The following TSC22D1 variants were observed in gnomAD, a reference collection of about 807,000 sequenced individuals.
TSC22D1 encodes TSC22 domain family member 1, also known as TSC22 domain family protein 1.
Under a neutral mutation model 74.2 loss-of-function variants are expected in TSC22D1, and 9 were observed. The ratio of observed to expected loss-of-function variants is 0.12; its 90% CI spans 0.07 to 0.21. The LOEUF is 0.21. Among genes scored for constraint, TSC22D1 ranks in the 10% least tolerant of loss-of-function variants. The probability of loss-of-function intolerance (pLI) is 1.00; values close to 1 mark genes in which losing one functional copy is unlikely to be tolerated. For synonymous variants in TSC22D1, 586 were observed against 492.5 expected (o/e 1.19, Z -2.51); for missense variants, 1,427 against 1,304.7 (o/e 1.09, Z -1.44).
At chr13:44,503,650 AAAG>A (rs1397866720) in intron 1 of TSC22D1, among the ~76,000 whole-genome samples, 1 of 152,208 alleles carries the variant, frequency 6.6e-6, no homozygotes, top group Admixed American at 6.5e-5. Context: ...AGCAGAGAAA[AAAG>A]AAGTTTACAA....
chr13:44,481,810 A>G (rs909202397), intron 1 of TSC22D1, among the ~76,000 whole-genome samples: 4 of 152,206 alleles, frequency 2.6e-5, no homozygotes, highest in African/African-American at 9.7e-5. Flanking sequence ...AAATTATAGC[A>G]ATAATAACAA....
chr13:44,528,995 C>T (rs1316973883), intron 1 of TSC22D1, among the ~76,000 whole-genome samples: 2 of 152,036 alleles, frequency 1.3e-5, no homozygotes, highest in Non-Finnish European at 2.9e-5. Flanking sequence ...ATAACCTTCC[C>T]ATGTAGAGTT....
intron 1 of TSC22D1, among the ~76,000 whole-genome samples, chr13:44,517,855 A>ATTTTTTTTT (rs1262351609): frequency 8.5e-5 from 2 of 23,538 alleles, no homozygotes; most frequent in African/African-American, 2.2e-4. Context: ...ATATATATAT[A>ATTTTTTTTT]TATTTTTTTT....
chr13:44,553,861 T>C (rs960720288), intron 1 of TSC22D1, among the ~76,000 whole-genome samples: 8 of 152,210 alleles, frequency 5.3e-5, no homozygotes, highest in Admixed American at 1.3e-4. Flanking sequence ...TATTTTCTTA[T>C]GCATTTAGAA....
At chr13:44,502,732 A>G (rs562089591) in intron 1 of TSC22D1, among the ~76,000 whole-genome samples, 41 of 152,330 alleles carry the variant, frequency 2.7e-4, no homozygotes, top group African/African-American at 9.6e-4. Flanking sequence ...GAGTTGCTTG[A>G]CTAAGCTTAC....
At chr13:44,538,282 A>G in intron 1 of TSC22D1, 1 of 985,340 alleles carries the variant, frequency 1.0e-6, no homozygotes, top group Non-Finnish European at 1.2e-6. Context: ...TCTATTAGAA[A>G]CTTTGTTGAT....
intron 1 of TSC22D1, among the ~76,000 whole-genome samples, chr13:44,444,690 C>T (rs1875497071): frequency 6.6e-6 from 1 of 151,980 alleles, no homozygotes; most frequent in Middle Eastern, 3.2e-3. Flanking sequence ...GGAAAAAATA[C>T]ACACGTCTAA....
At chr13:44,525,892 A>G (rs1595137727) in intron 1 of TSC22D1, among the ~76,000 whole-genome samples, 1 of 152,092 alleles carries the variant, frequency 6.6e-6, no homozygotes, top group Non-Finnish European at 1.5e-5. Context: ...CCTTGATCTC[A>G]GGAGTTTGAA....
chr13:44,436,749 A>C (rs1874683416), intron 1 of TSC22D1: 1 of 1,482,612 alleles, frequency 6.7e-7, no homozygotes, highest in Non-Finnish European at 8.9e-7. Context: ...GGCAGCCCTA[A>C]TTTAAAGAAA....
intron 1 of TSC22D1, among the ~76,000 whole-genome samples, chr13:44,494,642 G>A (rs1274337955): frequency 2.0e-5 from 3 of 152,056 alleles, no homozygotes; most frequent in Non-Finnish European, 4.4e-5. Flanking sequence ...ATCTGAGGAA[G>A]GGGAAGAATC....
intron 1 of TSC22D1, chr13:44,516,441 C>T (rs1181294154): frequency 2.7e-6 from 1 of 368,250 alleles, no homozygotes; most frequent in South Asian, 2.5e-5. Flanking sequence ...AAGGGGACTT[C>T]GGCATAAAGG....
intron 1 of TSC22D1, among the ~76,000 whole-genome samples, chr13:44,540,323 T>C (rs1881392013): frequency 6.6e-6 from 1 of 152,152 alleles, no homozygotes; most frequent in African/African-American, 2.4e-5. Flanking sequence ...GAAGATGGAC[T>C]GAAAAGTAGA....
intron 1 of TSC22D1, among the ~76,000 whole-genome samples, chr13:44,504,988 T>C (rs1879382015): frequency 6.6e-6 from 1 of 152,246 alleles, no homozygotes; most frequent in Admixed American, 6.5e-5. Context: ...TCTGGGATGC[T>C]TTCATTTAGA....
At chr13:44,516,728 C>A (rs1329326482) in intron 1 of TSC22D1, among the ~76,000 whole-genome samples, 9 of 152,220 alleles carry the variant, frequency 5.9e-5, no homozygotes, top group Admixed American at 5.9e-4. Flanking sequence ...GGCTGAGGCA[C>A]TTAGTTTTCT....
intron 1 of TSC22D1, chr13:44,540,138 C>CCTG: frequency 2.9e-6 from 1 of 344,658 alleles, no homozygotes; most frequent in Non-Finnish European, 5.7e-6. Flanking sequence ...CTGTATTGGT[C>CCTG]TAAGCCATAA....
chr13:44,534,909 C>A (rs751709989), intron 1 of TSC22D1, among the ~76,000 whole-genome samples: 3 of 151,954 alleles, frequency 2.0e-5, no homozygotes, highest in African/African-American at 7.3e-5. Flanking sequence ...ACTCAACTTA[C>A]CAAAGTACAG....
intron 1 of TSC22D1, among the ~76,000 whole-genome samples, chr13:44,454,715 A>C (rs55670821): frequency 0.099 from 15,118 of 152,186 alleles, 793 homozygotes; most frequent in Non-Finnish European, 0.11. Context: ...TTAATCCTTT[A>C]AATAACCACC....
intron 1 of TSC22D1, among the ~76,000 whole-genome samples, chr13:44,551,310 G>GGTGT (rs370742852): frequency 0.093 from 12,294 of 132,750 alleles, 744 homozygotes; most frequent in Non-Finnish European, 0.11. Flanking sequence ...ATCAGCTGGG[G>GGTGT]GTGTGTGTGT....
intron 1 of TSC22D1, among the ~76,000 whole-genome samples, chr13:44,552,844 C>T (rs1414438531): frequency 6.6e-6 from 1 of 152,060 alleles, no homozygotes; most frequent in African/African-American, 2.4e-5. Flanking sequence ...AAAAATTAGC[C>T]GGGTGTGGTG....
Sources: allele counts gnomAD v4.1 joint callset (sites outside exome capture counted in the v4.1 genomes callset), GRCh38; gene constraint gnomAD v4.1.1; transcripts MANE v1.5; gene names NCBI Gene and HGNC (gene_info 2026-07-23, HGNC 2026-07-21).